Variants in LAMA2 observed in about 807,000 individuals in gnomAD.
LAMA2 encodes laminin subunit alpha 2.
LAMA2 carries 269 observed loss-of-function variants against 364.8 expected under a neutral mutation model. The observed-to-expected ratio is 0.74, with a 90% confidence interval of 0.67 to 0.82. The LOEUF is 0.82. Ranked by LOEUF, LAMA2 falls within the 40% of genes least tolerant of loss-of-function variation. LAMA2 has a pLI of 0.00. For missense variants in LAMA2, 3,807 were observed against 3,873.2 expected, an observed-to-expected ratio of 0.98 and a Z score of 0.45; for synonymous variants, 1,379 against 1,370.6, an observed-to-expected ratio of 1.01 and a Z score of -0.14.
At chr6:129,295,645 C>T (rs182204467) in intron 20 of LAMA2, among the ~76,000 whole-genome samples, 123 of 151,870 alleles carry the variant, frequency 8.1e-4, no homozygotes, top group African/African-American at 2.7e-3. Flanking sequence ...CTTACATAAT[C>T]GACTTTGGAA....
chr6:129,385,627 G>C (rs1488584288), intron 35 of LAMA2, among the ~76,000 whole-genome samples: 1 of 152,046 alleles, frequency 6.6e-6, no homozygotes, highest in Non-Finnish European at 1.5e-5. Flanking sequence ...ATTCATCTAA[G>C]GCATTCTTAT....
At chr6:129,094,383 G>T (rs760785748) in intron 3 of LAMA2, among the ~76,000 whole-genome samples, 20 of 152,292 alleles carry the variant, frequency 1.3e-4, no homozygotes, top group Admixed American at 9.8e-4. Flanking sequence ...CTTCTGTAAG[G>T]CGGTGACTGC....
intron 1 of LAMA2, among the ~76,000 whole-genome samples, chr6:129,009,970 G>C (rs932125952): frequency 6.6e-6 from 1 of 152,112 alleles, no homozygotes; most frequent in African/African-American, 2.4e-5. Flanking sequence ...GATTGTAACA[G>C]TGAAGGAGAC....
chr6:129,231,429 C>A (rs1424222244), intron 12 of LAMA2, among the ~76,000 whole-genome samples: 2 of 152,036 alleles, frequency 1.3e-5, no homozygotes, highest in African/African-American at 2.4e-5. Flanking sequence ...GTTTTGCCTG[C>A]ATTATCTGAT....
intron 8 of LAMA2, among the ~76,000 whole-genome samples, chr6:129,164,168 G>GT (rs1196121884): frequency 2.0e-5 from 3 of 152,018 alleles, no homozygotes; most frequent in Non-Finnish European, 4.4e-5. Flanking sequence ...TATATACTAT[G>GT]TTTTTTCTAT....
intron 58 of LAMA2, among the ~76,000 whole-genome samples, chr6:129,497,032 A>C (rs1336811112): frequency 1.3e-5 from 2 of 152,144 alleles, no homozygotes; most frequent in African/African-American, 4.8e-5. Flanking sequence ...TCTTTAACTT[A>C]ATTATTCTAG....
chr6:129,186,842 AG>A (rs1360418935), intron 10 of LAMA2, among the ~76,000 whole-genome samples: 1 of 151,762 alleles, frequency 6.6e-6, no homozygotes, highest in Non-Finnish European at 1.5e-5. Context: ...AACTGTGCTA[AG>A]GGAACTAAAG....
intron 40 of LAMA2, among the ~76,000 whole-genome samples, chr6:129,409,990 C>T (rs1170718286): frequency 1.3e-5 from 2 of 152,120 alleles, no homozygotes; most frequent in African/African-American, 4.8e-5. Flanking sequence ...TTGGAATGAC[C>T]ACCAGAGGCA....
rs73776188 is a variant in LAMA2 at position 129,492,655 on chromosome 6, A to T, written c.8244+172A>T. Among the ~76,000 whole-genome samples, 6,243 of 152,258 alleles carry T rather than the reference A, an allele frequency of 0.041. 295 individuals carry two copies. The highest frequency in any genetic ancestry group is 0.11 in the African/African-American group (4,712 of 41,516). The stretch of plus-strand genomic sequence containing the variant: ...CATTGAATGACTTACCTATATTTCC[A>T]TCTTCAATTTTGTTTACAAAACAGT... On this transcript the variant is annotated intron_variant, in intron 58 of 64. Coordinates refer to ENST00000421865, the MANE Select transcript of LAMA2 (RefSeq NM_000426.4).
chr6:129,133,964 G>C (rs1047778467), intron 4 of LAMA2, among the ~76,000 whole-genome samples: 2 of 152,134 alleles, frequency 1.3e-5, no homozygotes, highest in Non-Finnish European at 2.9e-5. Context: ...TCTCTTTTAA[G>C]TTCCTGTCTA....
At chr6:129,503,062 G>T in intron 59 of LAMA2, 29 bp from the exon 60 acceptor site, 1 of 1,602,168 alleles carries the variant, frequency 6.2e-7, no homozygotes, top group Non-Finnish European at 8.6e-7. Flanking sequence ...TTATTTTTCT[G>T]TTTGACTTTG....
chr6:129,295,535 T>C lies in LAMA2; in HGVS notation c.2857-2150T>C, dbSNP rs186424713. 3.5e-3 allele frequency among the ~76,000 whole-genome samples: 527 copies of C among 152,334 alleles called. 4 individuals are homozygous for C. The highest frequency in any genetic ancestry group is 0.012 in the African/African-American group (483 of 41,580). Reference sequence around the variant, plus strand: ...AACAAATTTGTAAACATTTTATTACTGAAATTTGGTAGTATTTATTTTGCT... The same window carrying C: ...AACAAATTTGTAAACATTTTATTACCGAAATTTGGTAGTATTTATTTTGCT... On this transcript the variant is annotated intron_variant, in intron 20 of 64. Coordinates refer to ENST00000421865, the MANE Select transcript of LAMA2 (RefSeq NM_000426.4).
intron 49 of LAMA2, among the ~76,000 whole-genome samples, chr6:129,462,537 G>A (rs1783310151): frequency 6.6e-6 from 1 of 151,960 alleles, no homozygotes; most frequent in South Asian, 2.1e-4. Flanking sequence ...CTTTTAAGGT[G>A]AAGTGATATG....
At chr6:129,326,277 A>G (rs934730927) in intron 28 of LAMA2, among the ~76,000 whole-genome samples, 3 of 152,168 alleles carry the variant, frequency 2.0e-5, no homozygotes, top group African/African-American at 7.2e-5. Context: ...CCCCAGAGGA[A>G]TTGACTCCAC....
chr6:129,341,196 CA>C (rs1776250752), intron 29 of LAMA2, among the ~76,000 whole-genome samples: 4 of 152,140 alleles, frequency 2.6e-5, no homozygotes, highest in African/African-American at 9.7e-5. Context: ...AACATAAATA[CA>C]TTCTTCTTGA....
intron 17 of LAMA2, among the ~76,000 whole-genome samples, chr6:129,272,203 T>G (rs1787988062): frequency 6.6e-6 from 1 of 152,144 alleles, no homozygotes; most frequent in Non-Finnish European, 1.5e-5. Flanking sequence ...GATTAAGAAA[T>G]GAAGGCCATT....
At chr6:129,458,794 A>G (rs180678750) in intron 48 of LAMA2, among the ~76,000 whole-genome samples, 1 of 152,168 alleles carries the variant, frequency 6.6e-6, no homozygotes, top group East Asian at 1.9e-4. Flanking sequence ...AGGCTATACC[A>G]TCTAGATTTG....
chr6:129,396,891 G>A, intron 37 of LAMA2, among the ~76,000 whole-genome samples: 1 of 151,460 alleles, frequency 6.6e-6, no homozygotes, highest in East Asian at 1.9e-4. Context: ...TGGGAGGATT[G>A]CTTGAGCCCA....
intron 41 of LAMA2, among the ~76,000 whole-genome samples, chr6:129,435,072 G>T (rs796806522): frequency 1.4e-4 from 22 of 152,032 alleles, no homozygotes; most frequent in African/African-American, 4.3e-4. Context: ...TATTCTTCAG[G>T]TCAGTCTTCT....
Sources: allele counts gnomAD v4.1 joint callset (sites outside exome capture counted in the v4.1 genomes callset), GRCh38; gene constraint gnomAD v4.1.1; transcripts MANE v1.5; gene names NCBI Gene and HGNC (gene_info 2026-07-23, HGNC 2026-07-21).